The following NDUFAF2 variants were observed in gnomAD, a reference collection of about 807,000 sequenced individuals.
NDUFAF2 encodes the protein NADH dehydrogenase [ubiquinone] 1 alpha subcomplex assembly factor 2.
In NDUFAF2, 13 loss-of-function variants were observed where a neutral mutation model predicts 22.8. The observed-to-expected ratio is 0.57, with a 90% confidence interval of 0.37 to 0.91. The LOEUF (loss-of-function observed/expected upper bound fraction) is 0.91, where lower values mean the gene tolerates loss of function less well. NDUFAF2 is among the 40% of genes least tolerant of loss of function. The pLI, the probability that NDUFAF2 is intolerant of heterozygous loss-of-function variation, is 0.01. For synonymous variants in NDUFAF2, 53 were observed against 64.2 expected, an observed-to-expected ratio of 0.83 and a Z score of 0.84; for missense variants, 162 against 195.2, an observed-to-expected ratio of 0.83 and a Z score of 1.01.
intron 3 of NDUFAF2, 44 bp from the exon 4 acceptor site, chr5:61,152,660 T>A: frequency 2.9e-6 from 4 of 1,377,244 alleles, no homozygotes; most frequent in Non-Finnish European, 3.9e-6. Flanking sequence ...AAACTTTTTT[T>A]AACTAGAAAT....
At chr5:61,030,884 G>A (rs34595) in intron 1 of NDUFAF2, among the ~76,000 whole-genome samples, 21,223 of 152,000 alleles carry the variant, frequency 0.14, 1,839 homozygotes, top group South Asian at 0.27. Flanking sequence ...AGATGAGAAC[G>A]TTGCTATTTC....
At chr5:61,013,305 T>A (rs1751464003) in intron 1 of NDUFAF2, among the ~76,000 whole-genome samples, 1 of 152,058 alleles carries the variant, frequency 6.6e-6, no homozygotes, top group Non-Finnish European at 1.5e-5. Context: ...CAACACTTAA[T>A]TTATGGAAGA....
At position 60,945,372 on chromosome 5, in the gene NDUFAF2, G is replaced by GA; in HGVS notation, c.119dup (p.Asn40LysfsTer18). 1.9e-6 allele frequency: 3 copies of GA among 1,614,192 alleles called. No homozygotes were observed. The highest frequency in any genetic ancestry group is 2.5e-6 in the Non-Finnish European group (3 of 1,180,036). ...AATACTACTACATCCCGCAGTACAAGAACTGGAGAGGTGAGGTGGCGGCGT... is the reference window on the plus strand; with the variant it reads ...AATACTACTACATCCCGCAGTACAAGAAACTGGAGAGGTGAGGTGGCGGCGT... On this transcript the variant is annotated frameshift_variant, in exon 1 of 4. Transcript: ENST00000296597. LOFTEE classifies it high-confidence loss of function.
chr5:61,085,805 AC>A (rs1752499730), intron 2 of NDUFAF2, among the ~76,000 whole-genome samples: 1 of 152,178 alleles, frequency 6.6e-6, no homozygotes, highest in Non-Finnish European at 1.5e-5. Flanking sequence ...TATATCCAAG[AC>A]CTTTACATTG....
chr5:61,074,982 A>T (rs1262124265), intron 2 of NDUFAF2, among the ~76,000 whole-genome samples: 1 of 152,050 alleles, frequency 6.6e-6, no homozygotes, highest in African/African-American at 2.4e-5. Flanking sequence ...TCTCATGAGA[A>T]CTCACTCACT....
At chr5:60,957,446 TC>T (rs1318789558) in intron 1 of NDUFAF2, among the ~76,000 whole-genome samples, 21 of 152,176 alleles carry the variant, frequency 1.4e-4, no homozygotes, top group Admixed American at 1.2e-3. Context: ...ATTCACATTT[TC>T]TTGGTTATCG....
At chr5:61,128,087 C>A (rs1427488640) in intron 3 of NDUFAF2, among the ~76,000 whole-genome samples, 1 of 152,166 alleles carries the variant, frequency 6.6e-6, no homozygotes, top group Admixed American at 6.5e-5. Context: ...ATCCAACTTA[C>A]AAGGGATGTG....
At chr5:61,105,571 G>T (rs1460588128) in intron 3 of NDUFAF2, among the ~76,000 whole-genome samples, 1 of 141,714 alleles carries the variant, frequency 7.1e-6, no homozygotes, top group Non-Finnish European at 1.5e-5. Flanking sequence ...AAAAACTTAA[G>T]AATGAACTGG....
chr5:61,029,648 T>C (rs928726818), intron 1 of NDUFAF2, among the ~76,000 whole-genome samples: 2 of 152,164 alleles, frequency 1.3e-5, no homozygotes, highest in African/African-American at 4.8e-5. Flanking sequence ...GTGCTGCAAG[T>C]GTCTTCACCC....
intron 1 of NDUFAF2, among the ~76,000 whole-genome samples, chr5:61,010,777 T>C (rs1580093653): frequency 6.6e-6 from 1 of 152,178 alleles, no homozygotes; most frequent in East Asian, 1.9e-4. Context: ...ATCACTACAT[T>C]CGCTCTTTTC....
At chr5:60,951,386 T>C (rs1304099984) in intron 1 of NDUFAF2, among the ~76,000 whole-genome samples, 1 of 152,204 alleles carries the variant, frequency 6.6e-6, no homozygotes, top group African/African-American at 2.4e-5. Context: ...AACCACTGTT[T>C]ATTCGTTTGC....
intron 1 of NDUFAF2, among the ~76,000 whole-genome samples, chr5:60,972,169 C>T (rs1317427026): frequency 6.6e-6 from 1 of 151,834 alleles, no homozygotes; most frequent in Non-Finnish European, 1.5e-5. Context: ...TTTCAAACTC[C>T]TGACCTCGTG....
chr5:61,009,257 G>C (rs1367859160), intron 1 of NDUFAF2, among the ~76,000 whole-genome samples: 2 of 152,072 alleles, frequency 1.3e-5, no homozygotes, highest in Non-Finnish European at 2.9e-5. Flanking sequence ...TTGTTGAACA[G>C]AGTTAAATAG....
intron 1 of NDUFAF2, among the ~76,000 whole-genome samples, chr5:61,034,142 G>C (rs1455824666): frequency 6.6e-6 from 1 of 152,124 alleles, no homozygotes; most frequent in Non-Finnish European, 1.5e-5. Flanking sequence ...CAGAAAAAAA[G>C]TAGGTGTTGT....
At chr5:61,037,975 G>A (rs1348909649) in intron 1 of NDUFAF2, among the ~76,000 whole-genome samples, 1 of 150,804 alleles carries the variant, frequency 6.6e-6, no homozygotes, top group Admixed American at 6.6e-5. Context: ...GCAGACTTCT[G>A]AGGGCCATTA....
chr5:61,113,631 A>G (rs555695548), intron 3 of NDUFAF2, among the ~76,000 whole-genome samples: 56 of 151,902 alleles, frequency 3.7e-4, no homozygotes, highest in Non-Finnish European at 6.0e-4. Flanking sequence ...TTTGCTTGTC[A>G]CTTCTTCCTG....
chr5:61,008,802 G>A (rs1751406628), intron 1 of NDUFAF2, among the ~76,000 whole-genome samples: 2 of 151,976 alleles, frequency 1.3e-5, no homozygotes, highest in South Asian at 4.2e-4. Flanking sequence ...CTTCCATAGA[G>A]GCAGATCATT....
At chr5:61,123,447 T>C (rs996839211) in intron 3 of NDUFAF2, among the ~76,000 whole-genome samples, 3 of 152,158 alleles carry the variant, frequency 2.0e-5, no homozygotes, top group African/African-American at 4.8e-5. Context: ...TGTAGGCAAC[T>C]GTAACACAAT....
intron 1 of NDUFAF2, among the ~76,000 whole-genome samples, chr5:60,996,159 GA>G (rs1019773108): frequency 3.9e-5 from 6 of 152,046 alleles, no homozygotes; most frequent in Admixed American, 2.6e-4. Context: ...GCTGGTATCT[GA>G]AACCAGCAAG....
Sources: allele counts gnomAD v4.1 joint callset (sites outside exome capture counted in the v4.1 genomes callset), GRCh38; gene constraint gnomAD v4.1.1; transcripts MANE v1.5; gene names NCBI Gene and HGNC (gene_info 2026-07-23, HGNC 2026-07-21).